Variants in CCDC178 observed in about 807,000 individuals in gnomAD.
CCDC178 encodes the protein coiled-coil domain-containing protein 178.
Under a neutral mutation model 117.4 loss-of-function variants are expected in CCDC178, and 126 were observed. That is an observed-to-expected ratio of 1.07 (90% CI 0.93 to 1.24). The LOEUF (loss-of-function observed/expected upper bound fraction) is 1.24. Among genes scored for constraint, CCDC178 ranks in the 50% most tolerant of loss-of-function variants. The pLI, the probability that CCDC178 is intolerant of heterozygous loss-of-function variation, is 0.00. For synonymous variants in CCDC178, 283 were observed against 313.4 expected (o/e 0.90, Z 1.02); for missense variants, 1,030 against 986.9 (o/e 1.04, Z -0.59).
Position 33,215,703 on chromosome 18 carries a change from A to G in CCDC178, c.1933-8T>C. On this transcript the variant is annotated splice_polypyrimidine_tract_variant and splice_region_variant and intron_variant, in intron 18 of 22. Coordinates refer to ENST00000383096, the MANE Select transcript of CCDC178 (RefSeq NM_001105528.4). ...AATTGCTGAGCGTTTACTCTGAAAA[A>G]AAATATACACAAGTGTTTATTTTAA... 6.7e-7 allele frequency: 1 copy of G among 1,495,782 alleles called. No individual in the cohort carries two copies. Among genetic ancestry groups the G allele is most frequent in the Non-Finnish European group, 8.9e-7 (1 of 1,122,156 alleles). 92.7% of individuals were successfully genotyped at this position (1,495,782 alleles called of 1,614,324 possible). A position where few individuals can be genotyped will look rare whatever the true frequency, so the allele number is the denominator to read the frequency against.
chr18:32,984,717 C>T (rs1407355589), intron 21 of CCDC178, among the ~76,000 whole-genome samples: 1 of 151,786 alleles, frequency 6.6e-6, no homozygotes, highest in African/African-American at 2.4e-5. Flanking sequence ...AATAAAATTA[C>T]CCTCACAATA....
Position 33,212,664 on chromosome 18 carries a change from A to G in CCDC178, c.2079-609T>C, listed in dbSNP as rs2059122357. Reference sequence around the variant, plus strand: ...TTTATTGCTTTATGCTTCCTGTTACATAAGATGATAGATTTTTTTATTGTT... The same window carrying G: ...TTTATTGCTTTATGCTTCCTGTTACGTAAGATGATAGATTTTTTTATTGTT... On this transcript the variant is annotated intron_variant, in intron 19 of 22. Coordinates refer to ENST00000383096, the MANE Select transcript of CCDC178 (RefSeq NM_001105528.4). 2.0e-5 allele frequency among the ~76,000 whole-genome samples: 3 copies of G among 151,994 alleles called. No homozygotes were observed. The South Asian group carries it at 6.2e-4, about 31-fold the overall frequency.
intron 20 of CCDC178, among the ~76,000 whole-genome samples, chr18:33,183,839 T>C (rs1358153119): frequency 6.6e-6 from 1 of 152,122 alleles, no homozygotes; most frequent in Non-Finnish European, 1.5e-5. Flanking sequence ...AGAATTTTCA[T>C]GATGTGTTCA....
At chr18:33,328,189 C>G (rs747620150) in intron 10 of CCDC178, 33 of 268,750 alleles carry the variant, frequency 1.2e-4, no homozygotes, top group Admixed American at 2.2e-4. Flanking sequence ...GCAACCCCCG[C>G]CCCACCGGGC....
At chr18:33,368,491 T>G (rs1345418086) in intron 6 of CCDC178, among the ~76,000 whole-genome samples, 1 of 151,928 alleles carries the variant, frequency 6.6e-6, no homozygotes, top group African/African-American at 2.4e-5. Flanking sequence ...TTTTTTTCAG[T>G]TTTTTTAAAG....
At chr18:33,316,539 C>T (rs376093976) in intron 11 of CCDC178, among the ~76,000 whole-genome samples, 4 of 152,042 alleles carry the variant, frequency 2.6e-5, no homozygotes, top group African/African-American at 7.2e-5. Context: ...GGATGGCGCC[C>T]GGAGAGCAGG....
At chr18:33,396,450 T>C (rs1262659645) in intron 4 of CCDC178, among the ~76,000 whole-genome samples, 1 of 152,122 alleles carries the variant, frequency 6.6e-6, no homozygotes, top group African/African-American at 2.4e-5. Flanking sequence ...CTGATAGGTA[T>C]GCCTTAGAGA....
At chr18:33,119,711 T>C (rs868138482) in intron 20 of CCDC178, among the ~76,000 whole-genome samples, 5 of 152,194 alleles carry the variant, frequency 3.3e-5, no homozygotes, top group African/African-American at 1.2e-4. Context: ...TTATCAATCA[T>C]GCTGCTATAA....
intron 12 of CCDC178, among the ~76,000 whole-genome samples, chr18:33,285,443 G>C (rs1183522016): frequency 6.6e-6 from 1 of 152,122 alleles, no homozygotes; most frequent in Non-Finnish European, 1.5e-5. Flanking sequence ...TAGGTAATAA[G>C]AATGGAAGAA....
At chr18:33,087,320 C>T (rs2057394214) in intron 21 of CCDC178, among the ~76,000 whole-genome samples, 1 of 152,044 alleles carries the variant, frequency 6.6e-6, no homozygotes, top group Non-Finnish European at 1.5e-5. Context: ...TAGTATTTTC[C>T]TCATGGAGTT....
chr18:33,287,798 A>G (rs2144853528), intron 12 of CCDC178, among the ~76,000 whole-genome samples: 1 of 152,152 alleles, frequency 6.6e-6, no homozygotes, highest in East Asian at 1.9e-4. Context: ...GAATGAATAA[A>G]TAAATAAATA....
intron 22 of CCDC178, among the ~76,000 whole-genome samples, chr18:32,952,313 A>G (rs2054504582): frequency 6.6e-6 from 1 of 152,212 alleles, no homozygotes; most frequent in South Asian, 2.1e-4. Flanking sequence ...GCCTGAACAT[A>G]CAGGTATTTC....
At chr18:33,348,126 T>C (rs1339632734) in intron 8 of CCDC178, among the ~76,000 whole-genome samples, 1 of 152,012 alleles carries the variant, frequency 6.6e-6, no homozygotes, top group Non-Finnish European at 1.5e-5. Context: ...TCGTTTTCAC[T>C]ATAGGCACAA....
chr18:33,384,297 A>G (rs139064234), intron 5 of CCDC178, among the ~76,000 whole-genome samples: 9 of 152,292 alleles, frequency 5.9e-5, no homozygotes, highest in South Asian at 2.1e-4. Context: ...ACTTCAGGAC[A>G]CCATCCAGGA....
At chr18:32,989,761 GTAGT>G (rs548309092) in intron 21 of CCDC178, among the ~76,000 whole-genome samples, 204 of 152,234 alleles carry the variant, frequency 1.3e-3, no homozygotes, top group African/African-American at 4.7e-3. Flanking sequence ...CCAGTGAGCT[GTAGT>G]TATACAACAT....
intron 10 of CCDC178, among the ~76,000 whole-genome samples, chr18:33,327,775 ACT>A (rs2062605031): frequency 1.4e-4 from 21 of 152,216 alleles, no homozygotes; most frequent in Admixed American, 8.5e-4. Flanking sequence ...TCTGTTCATT[ACT>A]ATGAACAGAT....
chr18:33,363,410 T>G (rs796662237), intron 6 of CCDC178, among the ~76,000 whole-genome samples: 2 of 152,030 alleles, frequency 1.3e-5, no homozygotes, highest in African/African-American at 4.8e-5. Context: ...GAAATGAAAG[T>G]ACCTCTGGAG....
intron 21 of CCDC178, among the ~76,000 whole-genome samples, chr18:33,006,629 C>T (rs564815420): frequency 1.3e-5 from 2 of 152,122 alleles, no homozygotes; most frequent in South Asian, 4.1e-4. Flanking sequence ...TGGGCAGAAT[C>T]TCTGGCTTGC....
chr18:32,965,787 A>G (rs1018488325), intron 22 of CCDC178, among the ~76,000 whole-genome samples: 1 of 151,466 alleles, frequency 6.6e-6, no homozygotes, highest in Non-Finnish European at 1.5e-5. Flanking sequence ...TGCCAGCATG[A>G]TGACGGAAAA....
Sources: allele counts gnomAD v4.1 joint callset (sites outside exome capture counted in the v4.1 genomes callset), GRCh38; gene constraint gnomAD v4.1.1; transcripts MANE v1.5; gene names NCBI Gene and HGNC (gene_info 2026-07-23, HGNC 2026-07-21).